Variants in DISP1 observed in about 807,000 individuals in gnomAD.
DISP1 encodes the protein dispatched RND transporter family member 1, also known as protein dispatched homolog 1.
Under a neutral mutation model 37.3 loss-of-function variants are expected in DISP1, and 30 were observed. The ratio of observed to expected loss-of-function variants is 0.80; its 90% CI spans 0.60 to 1.09. The LOEUF is 1.09. Among genes scored for constraint, DISP1 ranks in the 50% least tolerant of loss-of-function variants. The pLI, the probability that DISP1 is intolerant of heterozygous loss-of-function variation, is 0.00. For synonymous variants in DISP1, 634 were observed against 690.2 expected, an observed-to-expected ratio of 0.92 and a Z score of 1.28; for missense variants, 1,598 against 1,879.5, an observed-to-expected ratio of 0.85 and a Z score of 2.77.
chr1:222,923,724 A>G (rs901791840), intron 1 of DISP1, among the ~76,000 whole-genome samples: 42 of 152,190 alleles, frequency 2.8e-4, no homozygotes, highest in African/African-American at 1.0e-3. Flanking sequence ...CAGCCGCATT[A>G]TAAGCCCTCT....
In DISP1 at chr1:222,822,371, A is replaced by T. The variant is rs544888345; in HGVS notation, c.-159+7293A>T. On this transcript the variant is annotated intron_variant, in intron 1 of 8. Coordinates refer to ENST00000675850, the MANE Select transcript of DISP1 (RefSeq NM_001377229.1). ...TTCTTTCTGGAACCCTTTAAGCTTGACAAGAACCTCTTTATATCATTTTGT... is the reference window on the plus strand; with the variant it reads ...TTCTTTCTGGAACCCTTTAAGCTTGTCAAGAACCTCTTTATATCATTTTGT... Among the ~76,000 whole-genome samples, 27 of 152,312 alleles carry T rather than the reference A, an allele frequency of 1.8e-4. No homozygotes were observed. In the South Asian group the frequency reaches 4.8e-3, roughly 27 times the overall value.
intron 2 of DISP1, among the ~76,000 whole-genome samples, chr1:222,936,591 A>ATATATATATCTCATATATAT (rs1558339084): frequency 1.8e-4 from 3 of 16,448 alleles, no homozygotes; most frequent in Non-Finnish European, 3.6e-4. Context: ...TATATATGAG[A>ATATATATATCTCATATATAT]GATATATATC....
chr1:222,935,314 A>G (rs1445603836), intron 2 of DISP1, among the ~76,000 whole-genome samples: 1 of 152,172 alleles, frequency 6.6e-6, no homozygotes, highest in Admixed American at 6.5e-5. Context: ...CAGTCTTGCC[A>G]TTTATTCTTA....
rs1285596568 is a variant in DISP1, at chr1:222,936,594, T to G, written c.-17-6213T>G. Among the ~76,000 whole-genome samples the G allele has an allele frequency of 3.2e-4, 6 of 18,806 alleles. 1 individual carries two copies. The highest frequency in any genetic ancestry group is 6.2e-4 in the Non-Finnish European group (6 of 9,676). 12.3% of individuals were successfully genotyped at this position (18,806 alleles called of 152,430 possible). A position where few individuals can be genotyped will look rare whatever the true frequency, so the allele number is the denominator to read the frequency against. ...TAATATATATCATATATATGAGAGATATATATCTCTCATATATATGAGATA... is the reference window on the plus strand; with the variant it reads ...TAATATATATCATATATATGAGAGAGATATATCTCTCATATATATGAGATA... On this transcript the variant is annotated intron_variant, in intron 2 of 8. Transcript: ENST00000675850.
chr1:222,911,938 A>G (rs1558325265), intron 1 of DISP1, among the ~76,000 whole-genome samples: 1 of 152,204 alleles, frequency 6.6e-6, no homozygotes, highest in Non-Finnish European at 1.5e-5. Context: ...CTTATGAACT[A>G]CAAGTGGACT....
At chr1:222,881,108 G>A (rs886766030) in intron 1 of DISP1, among the ~76,000 whole-genome samples, 3 of 152,080 alleles carry the variant, frequency 2.0e-5, no homozygotes, top group Non-Finnish European at 4.4e-5. Flanking sequence ...TTATATATAG[G>A]AAAATTAATT....
At chr1:222,832,690 T>G (rs1666045430) in intron 1 of DISP1, among the ~76,000 whole-genome samples, 1 of 151,282 alleles carries the variant, frequency 6.6e-6, no homozygotes, top group South Asian at 2.1e-4. Context: ...AGGTCAGGAG[T>G]TCAAGACCAG....
intron 3 of DISP1, among the ~76,000 whole-genome samples, chr1:222,966,492 T>C (rs1397991122): frequency 6.6e-6 from 1 of 152,184 alleles, no homozygotes; most frequent in East Asian, 1.9e-4. Flanking sequence ...ATTAAAACAT[T>C]ACTAGGACTT....
At chr1:222,882,095 A>G (rs561629969) in intron 1 of DISP1, among the ~76,000 whole-genome samples, 2 of 152,296 alleles carry the variant, frequency 1.3e-5, no homozygotes, top group East Asian at 1.9e-4. Context: ...TGGAACTTTG[A>G]CAAAGCTTTA....
intron 1 of DISP1, among the ~76,000 whole-genome samples, chr1:222,884,324 T>C (rs569139874): frequency 3.3e-5 from 5 of 152,306 alleles, no homozygotes; most frequent in South Asian, 4.1e-4. Flanking sequence ...ATTATAATAC[T>C]TCTATTAATT....
Position 223,002,650 on chromosome 1 carries a change from G to T in DISP1, c.1253G>T (p.Cys418Phe). 2.5e-6 allele frequency: 4 copies of T among 1,614,156 alleles called. No individual in the cohort carries two copies. Among genetic ancestry groups the T allele is most frequent in the Non-Finnish European group, 3.4e-6 (4 of 1,180,024 alleles). ...QLKCTNVPRK[C>F]TKYNAVYQIL... ...AAGTGCACCAATGTGCCACGCAAAT[G>T]TACCAAGTACAATGCTGTGTACCAG... is the stretch of plus-strand genomic sequence containing the variant. The change falls in exon 9 of 9, where the codon TGT (cysteine) becomes TTT (phenylalanine). Residue 418 changes from cysteine (C) to phenylalanine (F), a missense_variant. Coordinates refer to ENST00000675850, the MANE Select transcript of DISP1 (RefSeq NM_001377229.1).
intron 3 of DISP1, among the ~76,000 whole-genome samples, chr1:222,953,180 A>G (rs541778416): frequency 1.3e-5 from 2 of 152,330 alleles, no homozygotes; most frequent in Non-Finnish European, 2.9e-5. Context: ...TGTACAACAT[A>G]AAGTAGTAAG....
Position 222,895,247 on chromosome 1 carries a change from G to C in DISP1, c.-158-33183G>C, listed in dbSNP as rs535708672. On this transcript the variant is annotated intron_variant, in intron 1 of 8. Coordinates refer to ENST00000675850, the MANE Select transcript of DISP1 (RefSeq NM_001377229.1). ...CTAAGGAGATACTGTCCAGTTGAAT[G>C]CTCAGCTGAAGTTATCAGGGAAATT... Among the ~76,000 whole-genome samples, 143 of 152,328 alleles carry C rather than the reference G, an allele frequency of 9.4e-4. 1 individual carries two copies. The highest frequency in any genetic ancestry group is 3.3e-3 in the African/African-American group (139 of 41,578).
chr1:222,828,569 T>C (rs994600081), intron 1 of DISP1, among the ~76,000 whole-genome samples: 21 of 152,160 alleles, frequency 1.4e-4, no homozygotes, highest in African/African-American at 4.6e-4. Context: ...AGCTGAAATG[T>C]TTTTTAATTT....
At chr1:222,936,341 A>G (rs1158819733) in intron 2 of DISP1, among the ~76,000 whole-genome samples, 1 of 151,996 alleles carries the variant, frequency 6.6e-6, no homozygotes, top group South Asian at 2.1e-4. Flanking sequence ...GACAAATGAA[A>G]TTATCATAAT....
chr1:222,950,176 A>C (rs547424079), intron 3 of DISP1, among the ~76,000 whole-genome samples: 1 of 152,326 alleles, frequency 6.6e-6, no homozygotes, highest in East Asian at 1.9e-4. Context: ...ACTGAGAAGA[A>C]CAGAACATGA....
At chr1:222,936,879 GAT>G (rs1160982066) in intron 2 of DISP1, among the ~76,000 whole-genome samples, 10 of 41,370 alleles carry the variant, frequency 2.4e-4, no homozygotes, top group African/African-American at 5.5e-4. Flanking sequence ...TCATATATAT[GAT>G]ATATATAATA....
Position 222,887,486 on chromosome 1 carries a change from GTTTTTTTTTTTT to G in DISP1, c.-158-40932_-158-40921del, listed in dbSNP as rs940346379. Reference sequence around the variant, plus strand: ...AATTTATAAATGTCACATTGTTTTTGTTTTTTTTTTTTTTTTTTTTTTTGAGACGGAGTCTCG... The same window carrying G: ...AATTTATAAATGTCACATTGTTTTTGTTTTTTTTTTTGAGACGGAGTCTCG... On this transcript the variant is annotated intron_variant, in intron 1 of 8. Coordinates refer to ENST00000675850, the MANE Select transcript of DISP1 (RefSeq NM_001377229.1). Among the ~76,000 whole-genome samples the G allele has an allele frequency of 3.6e-5, 3 of 83,112 alleles. No homozygotes were observed. The South Asian group carries it at 1.4e-3, about 38-fold the overall frequency. 54.5% of individuals were successfully genotyped at this position (83,112 alleles called of 152,430 possible).
chr1:222,875,298 G>A (rs1669897145), intron 1 of DISP1, among the ~76,000 whole-genome samples: 1 of 151,932 alleles, frequency 6.6e-6, no homozygotes, highest in Non-Finnish European at 1.5e-5. Context: ...GGGTAAGAGA[G>A]TGAGACTCCT....
Sources: allele counts gnomAD v4.1 joint callset (sites outside exome capture counted in the v4.1 genomes callset), GRCh38; gene constraint gnomAD v4.1.1; transcripts MANE v1.5; gene names NCBI Gene and HGNC (gene_info 2026-07-23, HGNC 2026-07-21).